Variants in FOXP1 observed in about 807,000 individuals in gnomAD.
The protein encoded by FOXP1 is forkhead box protein P1.
Under a neutral mutation model 98.2 loss-of-function variants are expected in FOXP1, and 15 were observed. That is an observed-to-expected ratio of 0.15 (90% confidence interval 0.10 to 0.24). FOXP1 has a LOEUF of 0.24. Ranked by LOEUF, FOXP1 falls within the 10% of genes least tolerant of loss-of-function variation. The pLI is 1.00. For synonymous variants in FOXP1, 371 were observed against 314.5 expected, an observed-to-expected ratio of 1.18 and a Z score of -1.90; for missense variants, 633 against 848.5, an observed-to-expected ratio of 0.75 and a Z score of 3.15.
chr3:71,239,693 G>C (rs1365878273), intron 5 of FOXP1, among the ~76,000 whole-genome samples: 1 of 152,170 alleles, frequency 6.6e-6, no homozygotes, highest in Non-Finnish European at 1.5e-5. Context: ...ATTTTTGAAA[G>C]CATGTAAAAG....
intron 4 of FOXP1, among the ~76,000 whole-genome samples, chr3:71,303,403 A>G (rs1330094661): frequency 6.6e-6 from 1 of 152,156 alleles, no homozygotes; most frequent in African/African-American, 2.4e-5. Flanking sequence ...CTTTCTTACT[A>G]GGAAACTGAG....
At chr3:71,297,090 T>C (rs752470048) in intron 5 of FOXP1, among the ~76,000 whole-genome samples, 6 of 152,092 alleles carry the variant, frequency 3.9e-5, no homozygotes, top group Non-Finnish European at 5.9e-5. Flanking sequence ...GAAGACAATG[T>C]ATATAGAACA....
At chr3:71,206,956 C>A (rs1383720611) in intron 5 of FOXP1, among the ~76,000 whole-genome samples, 13 of 152,172 alleles carry the variant, frequency 8.5e-5, no homozygotes, top group Admixed American at 8.5e-4. Context: ...TACCCACTCC[C>A]TCGCATATTA....
intron 3 of FOXP1, among the ~76,000 whole-genome samples, chr3:71,476,581 C>T (rs1196605234): frequency 1.3e-5 from 2 of 152,028 alleles, no homozygotes; most frequent in African/African-American, 4.8e-5. Context: ...ACCTCCACCT[C>T]CCAGGTTCAA....
At chr3:71,175,320 T>C (rs2061881172) in intron 6 of FOXP1, among the ~76,000 whole-genome samples, 2 of 152,238 alleles carry the variant, frequency 1.3e-5, no homozygotes, top group African/African-American at 4.8e-5. Flanking sequence ...CTTACTTCTT[T>C]GGCCCATCAA....
At chr3:71,309,276 G>T (rs759117156) in intron 4 of FOXP1, among the ~76,000 whole-genome samples, 1 of 151,880 alleles carries the variant, frequency 6.6e-6, no homozygotes, top group East Asian at 1.9e-4. Flanking sequence ...AAATATGGTC[G>T]AAATCACTGC....
chr3:71,311,001 T>C (rs1337478496), intron 4 of FOXP1, among the ~76,000 whole-genome samples: 3 of 152,242 alleles, frequency 2.0e-5, no homozygotes, highest in Non-Finnish European at 2.9e-5. Flanking sequence ...TTTCAGTTTA[T>C]GACAAAAATA....
chr3:71,338,716 C>A (rs115676268), intron 4 of FOXP1, among the ~76,000 whole-genome samples: 1 of 151,948 alleles, frequency 6.6e-6, no homozygotes, highest in Non-Finnish European at 1.5e-5. Flanking sequence ...CTATGCCTGG[C>A]CAATATTTTT....
chr3:71,274,866 G>T (rs2107333461), intron 5 of FOXP1, among the ~76,000 whole-genome samples: 1 of 152,316 alleles, frequency 6.6e-6, no homozygotes, highest in East Asian at 1.9e-4. Flanking sequence ...TTCAGTATCT[G>T]ATCAATTGTA....
chr3:71,498,039 T>C (rs998179061), intron 2 of FOXP1, among the ~76,000 whole-genome samples: 3 of 152,206 alleles, frequency 2.0e-5, no homozygotes, highest in Non-Finnish European at 4.4e-5. Context: ...TATTTAAAAA[T>C]GCATGCGTTC....
chr3:71,052,752 T>G (rs998588309), intron 8 of FOXP1, 126 bp from the exon 9 acceptor site: 16 of 715,290 alleles, frequency 2.2e-5, no homozygotes, highest in Non-Finnish European at 3.9e-5. Context: ...TGACCTTTAG[T>G]TTGAAACTCG....
chr3:71,370,648 G>C (rs577856506), intron 3 of FOXP1, among the ~76,000 whole-genome samples: 2 of 152,248 alleles, frequency 1.3e-5, no homozygotes, highest in East Asian at 3.9e-4. Flanking sequence ...TAGTGCATTA[G>C]TGCATTTGTA....
At chr3:70,989,904 T>C (rs1049018107) in intron 13 of FOXP1, among the ~76,000 whole-genome samples, 1 of 152,196 alleles carries the variant, frequency 6.6e-6, no homozygotes, top group Non-Finnish European at 1.5e-5. Flanking sequence ...ATCTTCTCCA[T>C]ATTTCCATCC....
At chr3:71,150,682 TTTAAA>T (rs1177556708) in intron 6 of FOXP1, among the ~76,000 whole-genome samples, 2 of 152,188 alleles carry the variant, frequency 1.3e-5, no homozygotes, top group South Asian at 4.1e-4. Context: ...AGCACTCTAA[TTTAAA>T]TTAATGAGTT....
rs372749613 is a variant in FOXP1, at chr3:71,186,396, T to C, written c.180+11806A>G. Among the ~76,000 whole-genome samples, 432 of 152,338 alleles carry C rather than the reference T, an allele frequency of 2.8e-3. 2 individuals carry two copies. Among genetic ancestry groups the C allele is most frequent in the African/African-American group, 9.6e-3 (400 of 41,582 alleles). ...AGAAGTAATTTTGCCACTCCAGAAA[T>C]TGTGAAACAAAGTCTTAAACAATAG... On this transcript the variant is annotated intron_variant, in intron 6 of 20. Transcript: ENST00000649528.
chr3:71,397,944 G>A (rs941963058), intron 3 of FOXP1, among the ~76,000 whole-genome samples: 1 of 152,180 alleles, frequency 6.6e-6, no homozygotes, highest in African/African-American at 2.4e-5. Context: ...GGGAAAGAAG[G>A]AAGAAGCAGA....
At chr3:71,138,455 A>T (rs1296461241) in intron 6 of FOXP1, among the ~76,000 whole-genome samples, 2 of 152,216 alleles carry the variant, frequency 1.3e-5, no homozygotes. Context: ...TACATTAAAA[A>T]AAATAAAAGG....
At chr3:71,487,339 T>G (rs895533889) in intron 3 of FOXP1, among the ~76,000 whole-genome samples, 2 of 152,180 alleles carry the variant, frequency 1.3e-5, no homozygotes, top group Admixed American at 6.5e-5. Context: ...ATTACGGGCA[T>G]GAGCCACAGC....
At chr3:70,986,803 G>GTGTT (rs1186164215) in intron 14 of FOXP1, among the ~76,000 whole-genome samples, 1 of 152,170 alleles carries the variant, frequency 6.6e-6, no homozygotes, top group Non-Finnish European at 1.5e-5. Context: ...GATGCACGAA[G>GTGTT]TGTTTAATAA....
Sources: allele counts gnomAD v4.1 joint callset (sites outside exome capture counted in the v4.1 genomes callset), GRCh38; gene constraint gnomAD v4.1.1; transcripts MANE v1.5; gene names NCBI Gene and HGNC (gene_info 2026-07-23, HGNC 2026-07-21).